Variants in RFX3 observed in about 807,000 individuals in gnomAD.
The protein encoded by RFX3 is regulatory factor X3, also known as transcription factor RFX3.
RFX3 carries 14 observed loss-of-function variants against 98.6 expected under a neutral mutation model. The observed-to-expected ratio is 0.14, with a 90% confidence interval of 0.09 to 0.22. RFX3 has a LOEUF of 0.22. Among genes scored for constraint, RFX3 ranks in the 10% least tolerant of loss-of-function variants. RFX3 has a pLI of 1.00. For missense variants in RFX3, 639 were observed against 926.9 expected (o/e 0.69, Z 4.03); for synonymous variants, 383 against 328.4 (o/e 1.17, Z -1.80).
At chr9:3,317,849 G>A (rs190733039) in intron 4 of RFX3, among the ~76,000 whole-genome samples, 14 of 152,252 alleles carry the variant, frequency 9.2e-5, no homozygotes, top group East Asian at 1.9e-4. Flanking sequence ...TTAGAATGGC[G>A]ATCATTAAAA....
chr9:3,395,364 C>A, intron 2 of RFX3, 108 bp downstream of exon 2: 2 of 1,237,482 alleles, frequency 1.6e-6, no homozygotes, highest in Admixed American at 2.0e-5. Flanking sequence ...CTGAAGTATG[C>A]CTATCATAGC....
At chr9:3,357,516 G>A (rs534164523) in intron 2 of RFX3, among the ~76,000 whole-genome samples, 6 of 152,032 alleles carry the variant, frequency 3.9e-5, no homozygotes, top group Admixed American at 1.3e-4. Context: ...TTTGTGGCAC[G>A]CAGGAAAGCA....
At chr9:3,311,084 TAC>T (rs1424122562) in intron 4 of RFX3, among the ~76,000 whole-genome samples, 1 of 152,236 alleles carries the variant, frequency 6.6e-6, no homozygotes, top group Non-Finnish European at 1.5e-5. Flanking sequence ...TTCTTGTTAA[TAC>T]AAGTTACTCT....
At chr9:3,467,780 C>T (rs182549397) in intron 1 of RFX3, among the ~76,000 whole-genome samples, 2 of 152,272 alleles carry the variant, frequency 1.3e-5, no homozygotes, top group Admixed American at 1.3e-4. Flanking sequence ...CCAGTAGAGG[C>T]TGCCAGTGTA....
At chr9:3,348,302 G>C (rs1317641577) in intron 2 of RFX3, among the ~76,000 whole-genome samples, 2 of 151,966 alleles carry the variant, frequency 1.3e-5, no homozygotes, top group African/African-American at 4.8e-5. Flanking sequence ...ACTTAGTATT[G>C]TACCATATCA....
intron 13 of RFX3, among the ~76,000 whole-genome samples, chr9:3,257,496 A>G (rs1219245331): frequency 6.6e-6 from 1 of 152,186 alleles, no homozygotes; most frequent in Non-Finnish European, 1.5e-5. Flanking sequence ...ATACATGATG[A>G]CTTCAAAAAA....
chr9:3,366,834 TAAATG>T (rs1252572717), intron 2 of RFX3, among the ~76,000 whole-genome samples: 1 of 151,844 alleles, frequency 6.6e-6, no homozygotes, highest in Non-Finnish European at 1.5e-5. Flanking sequence ...ATTTGGGAGA[TAAATG>T]AATTATTTAT....
At chr9:3,411,185 T>A (rs1209179121) in intron 1 of RFX3, among the ~76,000 whole-genome samples, 3 of 152,204 alleles carry the variant, frequency 2.0e-5, no homozygotes, top group African/African-American at 4.8e-5. Context: ...GTTATTTGCA[T>A]ATGAAAATTA....
chr9:3,296,378 T>C (rs973446324), intron 5 of RFX3, among the ~76,000 whole-genome samples: 3 of 152,040 alleles, frequency 2.0e-5, no homozygotes, highest in African/African-American at 7.2e-5. Flanking sequence ...GTGAAGCTTT[T>C]ACTCGATTGG....
In RFX3 at chr9:3,400,270, C is replaced by T. The variant is rs75834457; in HGVS notation, c.-8-4674G>A. On this transcript the variant is annotated intron_variant, in intron 1 of 16. Coordinates refer to ENST00000617270, the MANE Select transcript of RFX3 (RefSeq NM_001282116.2). ...CAGGAAGAAAAGAAAAAGTTGTCAA[C>T]TACTTAATAGGAGGAATCTTATAGA... is the stretch of plus-strand genomic sequence containing the variant. The T allele has an allele frequency of 1.3e-3, 1,185 of 904,692 alleles. 9 individuals are homozygous for T. The African/African-American group carries it at 0.02, about 16-fold the overall frequency. 56.0% of individuals were successfully genotyped at this position (904,692 alleles called of 1,614,324 possible).
chr9:3,291,439 C>T (rs1243826431), intron 6 of RFX3, among the ~76,000 whole-genome samples: 1 of 151,330 alleles, frequency 6.6e-6, no homozygotes, highest in African/African-American at 2.4e-5. Context: ...ACAAAACAGA[C>T]CTTGCTGAGT....
chr9:3,496,411 C>T (rs752914445), intron 1 of RFX3, among the ~76,000 whole-genome samples: 2 of 151,928 alleles, frequency 1.3e-5, no homozygotes, highest in Non-Finnish European at 2.9e-5. Flanking sequence ...AATGACTTAA[C>T]ATACAGTACA....
At chr9:3,344,457 G>A (rs970472721) in intron 3 of RFX3, among the ~76,000 whole-genome samples, 2 of 152,150 alleles carry the variant, frequency 1.3e-5, no homozygotes, top group African/African-American at 4.8e-5. Context: ...AGATTTGGGA[G>A]TATTTCGGAT....
At chr9:3,247,610 A>G in intron 15 of RFX3, 1 of 1,310,340 alleles carries the variant, frequency 7.6e-7, no homozygotes, top group Non-Finnish European at 9.8e-7. Context: ...TTATCCTTCT[A>G]AAATAGAATC....
chr9:3,447,286 C>T (rs1331692108), intron 1 of RFX3, among the ~76,000 whole-genome samples: 2 of 151,908 alleles, frequency 1.3e-5, no homozygotes, highest in Non-Finnish European at 2.9e-5. Flanking sequence ...TGGACTTTAC[C>T]TCAGAAGGAC....
intron 15 of RFX3, among the ~76,000 whole-genome samples, chr9:3,232,712 C>A (rs533833734): frequency 6.6e-6 from 1 of 151,128 alleles, no homozygotes; most frequent in Admixed American, 6.6e-5. Flanking sequence ...AGTCTAATGT[C>A]ATGTAGTAAA....
intron 3 of RFX3, among the ~76,000 whole-genome samples, chr9:3,345,844 C>T (rs1045705253): frequency 4.0e-5 from 6 of 151,884 alleles, no homozygotes; most frequent in Non-Finnish European, 8.8e-5. Context: ...GTTGACATCA[C>T]GGAAATAAAT....
At chr9:3,482,219 G>A (rs1564158759) in intron 1 of RFX3, among the ~76,000 whole-genome samples, 1 of 149,300 alleles carries the variant, frequency 6.7e-6, no homozygotes. Flanking sequence ...TTCAAAATAT[G>A]AGTGTGAAAG....
At chr9:3,366,726 C>CTTTCT (rs1837234222) in intron 2 of RFX3, among the ~76,000 whole-genome samples, 1 of 94,264 alleles carries the variant, frequency 1.1e-5, no homozygotes, top group Non-Finnish European at 2.2e-5. Flanking sequence ...TTCTTTCTTT[C>CTTTCT]TTTCTTTCTT....
Sources: allele counts gnomAD v4.1 joint callset (sites outside exome capture counted in the v4.1 genomes callset), GRCh38; gene constraint gnomAD v4.1.1; transcripts MANE v1.5; gene names NCBI Gene and HGNC (gene_info 2026-07-23, HGNC 2026-07-21).